OCA2: variants seen among roughly 807,000 people sequenced by gnomAD.
OCA2 encodes P protein.
A neutral mutation model predicts 100.2 loss-of-function variants in OCA2; 77 were observed. The ratio of observed to expected loss-of-function variants is 0.77; its 90% CI spans 0.64 to 0.93. OCA2 has a LOEUF of 0.93. Ranked by LOEUF, OCA2 falls within the 40% of genes least tolerant of loss-of-function variation. OCA2 has a pLI of 0.00. For synonymous variants in OCA2, 432 were observed against 439.2 expected (o/e 0.98, Z 0.21); for missense variants, 1,062 against 1,089.1 (o/e 0.98, Z 0.35).
chr15:27,959,356 T>TA (rs1309979998), intron 15 of OCA2, among the ~76,000 whole-genome samples: 3 of 146,410 alleles, frequency 2.0e-5, no homozygotes, highest in African/African-American at 7.3e-5. Context: ...TATGATAACA[T>TA]AAAAAGAAAG....
At chr15:27,907,231 A>C (rs1410303712) in intron 19 of OCA2, among the ~76,000 whole-genome samples, 1 of 152,244 alleles carries the variant, frequency 6.6e-6, no homozygotes, top group Non-Finnish European at 1.5e-5. Context: ...AAAATTACTA[A>C]GAAAAACAAA....
At chr15:27,955,081 G>T in intron 17 of OCA2, 77 bp downstream of exon 17, 1 of 1,021,084 alleles carries the variant, frequency 9.8e-7, no homozygotes, top group Non-Finnish European at 1.6e-6. Flanking sequence ...TCAGTCACGT[G>T]AGGGAAGGAA....
intron 23 of OCA2, among the ~76,000 whole-genome samples, chr15:27,827,817 T>A (rs74005242): frequency 0.028 from 4,320 of 152,316 alleles, 87 homozygotes; most frequent in African/African-American, 0.055. Flanking sequence ...TCTTTAAAAA[T>A]GTAAATTCGA....
chr15:27,777,397 T>G (rs1157504870), intron 23 of OCA2, among the ~76,000 whole-genome samples: 1 of 152,184 alleles, frequency 6.6e-6, no homozygotes, highest in Non-Finnish European at 1.5e-5. Context: ...GCTTCTACAT[T>G]GTCTGACTTT....
intron 19 of OCA2, among the ~76,000 whole-genome samples, chr15:27,879,184 C>T (rs567549982): frequency 6.6e-6 from 1 of 152,250 alleles, no homozygotes; most frequent in Non-Finnish European, 1.5e-5. Context: ...AGGACATGAC[C>T]TTGTTCCTTT....
chr15:27,930,116 A>C (rs571454289), intron 18 of OCA2, among the ~76,000 whole-genome samples: 2 of 152,306 alleles, frequency 1.3e-5, no homozygotes, highest in East Asian at 3.9e-4. Flanking sequence ...TACCAATATG[A>C]ACCCACCATT....
At chr15:27,858,691 C>T (rs922297988) in intron 21 of OCA2, among the ~76,000 whole-genome samples, 1 of 151,708 alleles carries the variant, frequency 6.6e-6, no homozygotes, top group East Asian at 1.9e-4. Flanking sequence ...AAAAATAGAA[C>T]GTGGAAATAT....
chr15:27,997,412 C>A (rs1176063701), intron 9 of OCA2, among the ~76,000 whole-genome samples: 1 of 150,640 alleles, frequency 6.6e-6, no homozygotes, highest in East Asian at 2.0e-4. Context: ...CCAGTTTTCC[C>A]AGCACCATTT....
At chr15:27,967,054 C>T (rs1045543924) in intron 14 of OCA2, among the ~76,000 whole-genome samples, 1 of 152,154 alleles carries the variant, frequency 6.6e-6, no homozygotes, top group Non-Finnish European at 1.5e-5. Context: ...GGCGTGAACC[C>T]GAGAGGCGGA....
chr15:27,890,282 A>G (rs2037401506), intron 19 of OCA2, among the ~76,000 whole-genome samples: 1 of 152,222 alleles, frequency 6.6e-6, no homozygotes, highest in South Asian at 2.1e-4. Flanking sequence ...AGGTTAGAAA[A>G]GTACAGTAAG....
At chr15:27,862,164 G>A (rs928000042) in intron 21 of OCA2, among the ~76,000 whole-genome samples, 21 of 151,298 alleles carry the variant, frequency 1.4e-4, no homozygotes, top group South Asian at 4.2e-4. Flanking sequence ...AAGCGCGGTC[G>A]TCAGCCTCGA....
chr15:27,976,799 G>T (rs1342035588), intron 14 of OCA2, among the ~76,000 whole-genome samples: 3 of 152,082 alleles, frequency 2.0e-5, no homozygotes, highest in African/African-American at 4.8e-5. Flanking sequence ...GTAAAGCTTT[G>T]TATAGAATTG....
In OCA2 at chr15:27,824,602, C is replaced by CTCTCTCTCTATATATATATATA; in HGVS notation, c.2432+20356_2432+20357insTATATATATATATAGAGAGAGA. On this transcript the variant is annotated intron_variant, in intron 23 of 23. Coordinates refer to ENST00000354638, the MANE Select transcript of OCA2 (RefSeq NM_000275.3). The stretch of plus-strand genomic sequence containing the variant: ...TTTCTCTCTCTCTCTCTCTCTCTCT[C>CTCTCTCTCTATATATATATATA]TATATATATATATATATATAATATA... 4.6e-4 allele frequency among the ~76,000 whole-genome samples: 22 copies of CTCTCTCTCTATATATATATATA among 47,590 alleles called. 2 individuals are homozygous for CTCTCTCTCTATATATATATATA. Among genetic ancestry groups the CTCTCTCTCTATATATATATATA allele is most frequent in the African/African-American group, 2.1e-3 (13 of 6,322 alleles). The allele number at this position is 47,590 out of a possible 152,430, so 31.2% of individuals were successfully genotyped here.
In OCA2 at chr15:27,897,119, G is replaced by C. The variant is rs577285963; in HGVS notation, c.2080-25197C>G. ...ACAGGAGAATGCAGTGAACCTGGGA[G>C]GGGGAGCTTGCAGTGAGACGAGACG... On this transcript the variant is annotated intron_variant, in intron 19 of 23. Transcript: ENST00000354638. Among the ~76,000 whole-genome samples the C allele has an allele frequency of 4.2e-4, 63 of 151,804 alleles. No individual in the cohort carries two copies. The South Asian group carries it at 6.9e-3, about 17-fold the overall frequency.
At chr15:28,029,030 G>A (rs563215939) in intron 3 of OCA2, among the ~76,000 whole-genome samples, 1 of 152,134 alleles carries the variant, frequency 6.6e-6, no homozygotes. Flanking sequence ...AGTTCCTTCA[G>A]TTTAGATGCA....
chr15:27,802,021 G>A (rs930683898), intron 23 of OCA2, among the ~76,000 whole-genome samples: 7 of 151,978 alleles, frequency 4.6e-5, no homozygotes, highest in Admixed American at 4.6e-4. Flanking sequence ...AGATTAGAAA[G>A]GATGAAAGAA....
chr15:27,816,983 A>G (rs1439200406), intron 23 of OCA2, among the ~76,000 whole-genome samples: 1 of 152,054 alleles, frequency 6.6e-6, no homozygotes, highest in African/African-American at 2.4e-5. Context: ...CGCTCAGGTC[A>G]GGCGCTTCCT....
chr15:27,738,294 G>A, the OCA2 span, among the ~76,000 whole-genome samples: 2 of 151,982 alleles, frequency 1.3e-5, no homozygotes, highest in South Asian at 2.1e-4. Flanking sequence ...AATAAACTGC[G>A]GCACATTCAC....
At chr15:27,848,044 AGAG>A (rs746358212) in intron 22 of OCA2, among the ~76,000 whole-genome samples, 4 of 152,250 alleles carry the variant, frequency 2.6e-5, no homozygotes, top group Non-Finnish European at 5.9e-5. Context: ...GACCATGGCC[AGAG>A]GAGGGAGCGG....
Sources: allele counts gnomAD v4.1 joint callset (sites outside exome capture counted in the v4.1 genomes callset), GRCh38; gene constraint gnomAD v4.1.1; transcripts MANE v1.5; gene names NCBI Gene and HGNC (gene_info 2026-07-23, HGNC 2026-07-21).